The following FRMD4B variants were observed in gnomAD, a reference collection of about 807,000 sequenced individuals.
FRMD4B encodes FERM domain-containing protein 4B.
Under a neutral mutation model 141.5 loss-of-function variants are expected in FRMD4B, and 74 were observed. That is an observed-to-expected ratio of 0.52 (90% CI 0.43 to 0.63). The LOEUF (loss-of-function observed/expected upper bound fraction) is 0.63. Among genes scored for constraint, FRMD4B ranks in the 30% least tolerant of loss-of-function variants. The pLI, the probability that FRMD4B is intolerant of heterozygous loss-of-function variation, is 0.00. For missense variants in FRMD4B, 1,366 were observed against 1,253.4 expected (o/e 1.09, Z -1.36); for synonymous variants, 506 against 467.9 (o/e 1.08, Z -1.05).
chr3:69,269,551 G>T (rs2093584734), intron 5 of FRMD4B, among the ~76,000 whole-genome samples: 1 of 152,176 alleles, frequency 6.6e-6, no homozygotes. Flanking sequence ...CCAAACTATG[G>T]ACGGTCTCTC....
rs565703705 is a variant in FRMD4B at position 69,350,131 on chromosome 3, AAAAC to A, written c.162+35693_162+35696del. ...TGAACTCCAACAAATTTACAAGAAA[AAAAC>A]AAACAACCCCATGAAAAAGTGGGCA... On this transcript the variant is annotated intron_variant, in intron 1 of 22. Transcript: ENST00000398540. 6.4e-3 allele frequency among the ~76,000 whole-genome samples: 972 copies of A among 152,310 alleles called. 13 individuals carry two copies. Among genetic ancestry groups the A allele is most frequent in the African/African-American group, 0.023 (948 of 41,560 alleles).
At chr3:69,206,385 C>T (rs1370965103) in intron 11 of FRMD4B, among the ~76,000 whole-genome samples, 4 of 152,016 alleles carry the variant, frequency 2.6e-5, no homozygotes, top group Admixed American at 2.6e-4. Flanking sequence ...AAACCCATAT[C>T]TTAAATGCAA....
At chr3:69,432,199 T>A (rs796685889) in intron 2 of FRMD4B, among the ~76,000 whole-genome samples, 5 of 152,354 alleles carry the variant, frequency 3.3e-5, no homozygotes, top group African/African-American at 9.6e-5. Flanking sequence ...GAATCAATTG[T>A]TTGCTTTGCT....
chr3:69,388,248 G>A (rs986204), upstream of FRMD4B, among the ~76,000 whole-genome samples: 74,329 of 151,986 alleles, frequency 0.49, 18,677 homozygotes, highest in East Asian at 0.61. Flanking sequence ...CTATCTGTGC[G>A]TAGGTCTAAT....
intron 7 of FRMD4B, among the ~76,000 whole-genome samples, chr3:69,245,336 TGTGTG>T (rs1178152974): frequency 5.9e-4 from 89 of 149,676 alleles, no homozygotes; most frequent in African/African-American, 2.0e-3. Flanking sequence ...TGTGTGTGTG[TGTGTG>T]TGTGTGTGTG....
intron 1 of FRMD4B, among the ~76,000 whole-genome samples, chr3:69,361,284 G>C (rs971728766): frequency 6.6e-6 from 1 of 152,110 alleles, no homozygotes; most frequent in Non-Finnish European, 1.5e-5. Flanking sequence ...CTTGCTACCA[G>C]TAGTATTTGT....
chr3:69,245,354 T>TG (rs1491184546), intron 7 of FRMD4B, among the ~76,000 whole-genome samples: 2,556 of 148,316 alleles, frequency 0.017, 50 homozygotes, highest in African/African-American at 0.05. Flanking sequence ...TGTGTGTGTG[T>TG]TTTTAGACAG....
chr3:69,470,467 T>C (rs1010136856), intron 1 of FRMD4B, among the ~76,000 whole-genome samples: 3 of 152,190 alleles, frequency 2.0e-5, no homozygotes, highest in African/African-American at 7.2e-5. Flanking sequence ...CAATTCTAGG[T>C]GGTCTTTGGT....
At chr3:69,389,414 T>C (rs949158493), upstream of FRMD4B, among the ~76,000 whole-genome samples, 7 of 152,196 alleles carry the variant, frequency 4.6e-5, no homozygotes, top group African/African-American at 1.2e-4. Context: ...TGTGCTTTCC[T>C]ATGACTTTCT....
At chr3:69,480,996 G>C (rs1470805378) in intron 1 of FRMD4B, among the ~76,000 whole-genome samples, 1 of 152,198 alleles carries the variant, frequency 6.6e-6, no homozygotes, top group African/African-American at 2.4e-5. Flanking sequence ...GACTCCGTGG[G>C]CTTAGGACCC....
intron 1 of FRMD4B, among the ~76,000 whole-genome samples, chr3:69,369,725 T>G (rs5026329): frequency 0.17 from 26,338 of 151,960 alleles, 2,499 homozygotes; most frequent in African/African-American, 0.24. Context: ...AAGGAAGAAA[T>G]AGCTTCATAA....
intron 2 of FRMD4B, among the ~76,000 whole-genome samples, chr3:69,426,766 G>A (rs1449987588): frequency 2.0e-5 from 3 of 152,122 alleles, no homozygotes; most frequent in Non-Finnish European, 2.9e-5. Context: ...CAGGGTCTAT[G>A]GGATTTATCC....
rs563829917 is a variant in FRMD4B at position 69,516,978 on chromosome 3, C to T, written c.-129+25228G>A. On this transcript the variant is annotated intron_variant, in intron 1 of 5. Coordinates refer to the FRMD4B transcript ENST00000459638. ...AGCATTCACATACTTCCATACCTCT[C>T]CTCCCTCTGGAGGGTAGCATTGTTA... Among the ~76,000 whole-genome samples the T allele has an allele frequency of 9.8e-5, 15 of 152,304 alleles. 2 individuals are homozygous for T. Among genetic ancestry groups the T allele is most frequent in the African/African-American group, 3.4e-4 (14 of 41,584 alleles).
At chr3:69,192,995 A>AT (rs2092856810) in intron 17 of FRMD4B, among the ~76,000 whole-genome samples, 1 of 151,754 alleles carries the variant, frequency 6.6e-6, no homozygotes, top group Admixed American at 6.6e-5. Flanking sequence ...TTTTTAAAAT[A>AT]TTTTTTGAAG....
chr3:69,336,809 T>C (rs1001256921), intron 1 of FRMD4B, among the ~76,000 whole-genome samples: 1 of 152,164 alleles, frequency 6.6e-6, no homozygotes, highest in African/African-American at 2.4e-5. Context: ...CTGGGCATGG[T>C]GGCGCATGCC....
chr3:69,346,383 T>C (rs1702942377), intron 1 of FRMD4B, among the ~76,000 whole-genome samples: 2 of 151,932 alleles, frequency 1.3e-5, no homozygotes, highest in South Asian at 4.1e-4. Context: ...ACGGGGAGAA[T>C]GGAACCAAGT....
chr3:69,187,593 A>T (rs997169187), intron 19 of FRMD4B, among the ~76,000 whole-genome samples, 177 bp downstream of exon 19: 4 of 148,650 alleles, frequency 2.7e-5, no homozygotes, highest in African/African-American at 9.8e-5. Flanking sequence ...ATATATATGT[A>T]TATTCATTTG....
intron 11 of FRMD4B, among the ~76,000 whole-genome samples, chr3:69,208,176 G>T (rs112730252): frequency 0.14 from 20,708 of 152,078 alleles, 1,555 homozygotes; most frequent in East Asian, 0.35. Flanking sequence ...CAATTCTCCT[G>T]CCTCAGCCTC....
intron 5 of FRMD4B, among the ~76,000 whole-genome samples, chr3:69,287,259 C>G (rs9310146): frequency 0.49 from 74,861 of 152,098 alleles, 18,667 homozygotes; most frequent in Admixed American, 0.53. Context: ...TCCCTTACCA[C>G]AGATAACTGA....
Sources: gnomAD v4.1 joint callset for allele counts (sites outside exome capture counted in the v4.1 genomes callset) on GRCh38, gnomAD v4.1.1 for gene constraint, MANE v1.5 for transcripts, NCBI Gene and HGNC (gene_info 2026-07-23, HGNC 2026-07-21) for gene names.